The following ZMAT4 variants were observed in gnomAD, a reference collection of about 807,000 sequenced individuals.
ZMAT4 encodes the protein zinc finger matrin-type protein 4.
In ZMAT4, 17 loss-of-function variants were observed where a neutral mutation model predicts 28.7. That is an observed-to-expected ratio of 0.59 (90% CI 0.41 to 0.89). The LOEUF (loss-of-function observed/expected upper bound fraction) is 0.89, where lower values mean the gene tolerates loss of function less well. ZMAT4 is among the 40% of genes least tolerant of loss of function. The probability of loss-of-function intolerance (pLI) is 0.00; values close to 1 mark genes in which losing one functional copy is unlikely to be tolerated. For synonymous variants in ZMAT4, 117 were observed against 109.2 expected (o/e 1.07, Z -0.44); for missense variants, 240 against 283.8 (o/e 0.85, Z 1.11).
rs1806384387 is a variant in ZMAT4, at chr8:40,626,450, C to T, written c.578-45189G>A. Among the ~76,000 whole-genome samples the T allele has an allele frequency of 4.6e-5, 7 of 152,190 alleles. No homozygotes were observed. In the South Asian group the frequency reaches 1.5e-3, roughly 32 times the overall value. ...AGACCTCATGCTTAAAGGAAGAAAC[C>T]AATAAAGGAAAAATTCCTGAACATA... On this transcript the variant is annotated intron_variant, in intron 5 of 6. Transcript: ENST00000297737.
rs529549169 is a variant in ZMAT4 at position 40,585,618 on chromosome 8, A to G, written c.578-4357T>C. 2.0e-5 allele frequency among the ~76,000 whole-genome samples: 3 copies of G among 152,296 alleles called. No individual in the cohort carries two copies. The East Asian group carries it at 5.8e-4, about 29-fold the overall frequency. On this transcript the variant is annotated intron_variant, in intron 5 of 6. Transcript: ENST00000297737. ...AAGCTATTCCATAAAAAAGTGCTAT[A>G]GTTATACTGACTTTCCATTTCACAG...
intron 6 of ZMAT4, among the ~76,000 whole-genome samples, chr8:40,571,914 G>A (rs1005339436): frequency 2.6e-5 from 4 of 151,942 alleles, no homozygotes; most frequent in African/African-American, 7.3e-5. Context: ...GCACAATATC[G>A]AAGTCTCAGG....
intron 4 of ZMAT4, among the ~76,000 whole-genome samples, chr8:40,684,418 C>T (rs1809309860): frequency 6.6e-6 from 1 of 152,210 alleles, no homozygotes; most frequent in South Asian, 2.1e-4. Context: ...ACTCCCAATG[C>T]CCACTGCAGG....
At chr8:40,798,369 C>CA (rs1057013833) in intron 2 of ZMAT4, among the ~76,000 whole-genome samples, 14 of 152,304 alleles carry the variant, frequency 9.2e-5, no homozygotes, top group African/African-American at 2.9e-4. Context: ...TCCAAGGTCC[C>CA]AATGCCAGGC....
chr8:40,801,312 C>A (rs1814820882), intron 2 of ZMAT4, among the ~76,000 whole-genome samples: 1 of 142,676 alleles, frequency 7.0e-6, no homozygotes. Context: ...TACCAATTCT[C>A]TATGGTGTCT....
intron 3 of ZMAT4, among the ~76,000 whole-genome samples, chr8:40,735,268 T>G (rs192113593): frequency 2.3e-3 from 358 of 152,354 alleles, no homozygotes; most frequent in Middle Eastern, 0.01. Flanking sequence ...AGCATATATT[T>G]GGAGTTTAAT....
intron 5 of ZMAT4, among the ~76,000 whole-genome samples, chr8:40,617,829 A>C (rs915205344): frequency 9.2e-5 from 14 of 152,202 alleles, no homozygotes; most frequent in African/African-American, 3.4e-4. Context: ...CACAGAAACA[A>C]ACGGTTTACT....
intron 3 of ZMAT4, among the ~76,000 whole-genome samples, chr8:40,722,641 A>G (rs1259820081): frequency 6.6e-6 from 1 of 152,152 alleles, no homozygotes. Context: ...TTTGATGCAT[A>G]AAAATAAAAC....
chr8:40,862,247 A>G (rs2150645528), intron 1 of ZMAT4, among the ~76,000 whole-genome samples: 1 of 152,236 alleles, frequency 6.6e-6, no homozygotes, highest in East Asian at 1.9e-4. Flanking sequence ...GCCATAAAAA[A>G]GGATGAGTTC....
intron 5 of ZMAT4, among the ~76,000 whole-genome samples, chr8:40,605,965 C>G (rs1423149888): frequency 6.6e-6 from 1 of 152,146 alleles, no homozygotes; most frequent in African/African-American, 2.4e-5. Context: ...GCTTTAAAGT[C>G]TGTTTTGTCT....
chr8:40,816,301 A>G (rs1422124130), intron 2 of ZMAT4, among the ~76,000 whole-genome samples: 1 of 152,222 alleles, frequency 6.6e-6, no homozygotes, highest in Non-Finnish European at 1.5e-5. Context: ...GGGCAACGTC[A>G]GAAGCCTCTG....
intron 4 of ZMAT4, among the ~76,000 whole-genome samples, chr8:40,676,724 C>T (rs1293104432): frequency 2.0e-5 from 3 of 152,086 alleles, no homozygotes; most frequent in Admixed American, 1.3e-4. Flanking sequence ...GAAGTTTTAG[C>T]TAGTTTAGAT....
At chr8:40,669,671 A>T (rs1416829478) in intron 5 of ZMAT4, among the ~76,000 whole-genome samples, 1 of 152,216 alleles carries the variant, frequency 6.6e-6, no homozygotes, top group Non-Finnish European at 1.5e-5. Context: ...TGTATAACCC[A>T]CAAAATATGT....
rs368151200 is a variant in ZMAT4 at position 40,640,626 on chromosome 8, G to A, written c.577+34078C>T. On this transcript the variant is annotated intron_variant, in intron 5 of 6. Transcript: ENST00000297737. ...GATCTTGGGATAGTTCCAGAAAAAA[G>A]AAAAAAAGGTTTTTGTCAACTTAGC... 2.0e-5 allele frequency among the ~76,000 whole-genome samples: 3 copies of A among 151,660 alleles called. No individual in the cohort carries two copies. In the South Asian group the frequency reaches 6.3e-4, roughly 32 times the overall value.
chr8:40,562,366 A>T (rs2118473499), intron 6 of ZMAT4, among the ~76,000 whole-genome samples: 1 of 152,276 alleles, frequency 6.6e-6, no homozygotes, highest in Non-Finnish European at 1.5e-5. Context: ...AGTTCTAGGG[A>T]TCAGCAGGGG....
At chr8:40,805,741 A>C (rs1293929026) in intron 2 of ZMAT4, among the ~76,000 whole-genome samples, 1 of 141,280 alleles carries the variant, frequency 7.1e-6, no homozygotes, top group East Asian at 2.1e-4. Flanking sequence ...TTGAACAATG[A>C]GAACACATGG....
intron 5 of ZMAT4, among the ~76,000 whole-genome samples, chr8:40,625,888 G>C (rs1171107937): frequency 2.0e-5 from 3 of 152,120 alleles, no homozygotes; most frequent in African/African-American, 7.2e-5. Flanking sequence ...AAGGCAGGTG[G>C]ATCACCTGAG....
intron 1 of ZMAT4, among the ~76,000 whole-genome samples, chr8:40,834,119 C>T (rs983340658): frequency 1.3e-5 from 2 of 152,204 alleles, no homozygotes; most frequent in African/African-American, 2.4e-5. Context: ...TCAGAGGCAT[C>T]GGCCACTGCT....
intron 6 of ZMAT4, among the ~76,000 whole-genome samples, chr8:40,548,450 C>G (rs529452214): frequency 6.6e-6 from 1 of 152,264 alleles, no homozygotes; most frequent in East Asian, 1.9e-4. Flanking sequence ...TCCCCCAAGA[C>G]TGTGATTTAT....
Sources: allele counts gnomAD v4.1 joint callset (sites outside exome capture counted in the v4.1 genomes callset), GRCh38; gene constraint gnomAD v4.1.1; transcripts MANE v1.5; gene names NCBI Gene and HGNC (gene_info 2026-07-23, HGNC 2026-07-21).